Variants in SETD9 observed in about 807,000 individuals in gnomAD.
SETD9 encodes the protein SET domain containing 9.
Under a neutral mutation model 36.4 loss-of-function variants are expected in SETD9, and 37 were observed. That is an observed-to-expected ratio of 1.02 (90% CI 0.78 to 1.34). SETD9 has a LOEUF of 1.34. Ranked by LOEUF, SETD9 falls within the 40% of genes most tolerant of loss-of-function variation. SETD9 has a pLI of 0.00. For synonymous variants in SETD9, 128 were observed against 132.9 expected (o/e 0.96, Z 0.26); for missense variants, 323 against 353.2 (o/e 0.91, Z 0.69).
downstream of SETD9, chr5:56,920,599 C>A (rs560063777): frequency 9.2e-5 from 14 of 152,258 alleles, no homozygotes; most frequent in Admixed American, 2.6e-4. Flanking sequence ...GTAACAAATT[C>A]TCTGTTAAGA....
Position 56,911,344 on chromosome 5 carries a change from G to A in SETD9, c.274G>A (p.Val92Ile), listed in dbSNP as rs1749110865. The change falls in exon 2 of 6, where the codon GTT becomes ATT. Residue 92 changes from valine to isoleucine, a missense_variant. Physicochemically the swap from Val to Ile is conservative, Grantham distance 29. Coordinates refer to ENST00000285947, the MANE Select transcript of SETD9 (RefSeq NM_153706.4). ...ATCAAAATATCAAGACCTACTGGCA[G>A]TTGAACATCAAGGGGTGAAACTGCT... ...VKSKYQDLLA[V>I]EHQGVKLLEN... 4 of 1,611,528 alleles carry A rather than the reference G, an allele frequency of 2.5e-6. No individual in the cohort carries two copies. The highest frequency in any genetic ancestry group is 1.6e-4 in the Middle Eastern group (1 of 6,066).
rs1749134863 is a variant in SETD9, at chr5:56,911,615, T to C, written c.466+79T>C. 3 of 1,407,166 alleles carry C rather than the reference T, an allele frequency of 2.1e-6. No individual in the cohort carries two copies. The East Asian group carries it at 7.3e-5, about 34-fold the overall frequency. 87.2% of individuals were successfully genotyped at this position (1,407,166 alleles called of 1,614,324 possible). On this transcript the variant is annotated intron_variant, in intron 2 of 5. Transcript: ENST00000285947. ...ATAAGTTCAGTAACATACCCAGCCTTGCAATCCTTAGAGTAAGGGATTAAA... is the reference window on the plus strand; with the variant it reads ...ATAAGTTCAGTAACATACCCAGCCTCGCAATCCTTAGAGTAAGGGATTAAA...
At chr5:56,923,120 C>T in intron 5 of SETD9, 1 of 1,610,152 alleles carries the variant, frequency 6.2e-7, no homozygotes, top group Non-Finnish European at 8.5e-7. Context: ...CCGGGATCCT[C>T]ACTCAGGTCA....
chr5:56,921,252 T>A (rs910438457), downstream of SETD9: 11 of 152,654 alleles, frequency 7.2e-5, no homozygotes, highest in Admixed American at 7.2e-4. Flanking sequence ...ATGGCCAGTA[T>A]CTTACTAAAT....
downstream of SETD9, among the ~76,000 whole-genome samples, chr5:56,919,379 C>T (rs1301105912): frequency 6.6e-6 from 1 of 152,080 alleles, no homozygotes; most frequent in African/African-American, 2.4e-5. Context: ...CCGCCTCGGC[C>T]TCTCAAAGTG....
chr5:56,914,753 C>A, intron 4 of SETD9, 108 bp from the exon 5 acceptor site: 1 of 595,470 alleles, frequency 1.7e-6, no homozygotes, highest in Non-Finnish European at 2.6e-6. Flanking sequence ...TTATTTTGAT[C>A]ATGTTTTGAT....
At chr5:56,912,471 A>G (rs909533215) in intron 2 of SETD9, among the ~76,000 whole-genome samples, 4 of 152,190 alleles carry the variant, frequency 2.6e-5, no homozygotes, top group African/African-American at 9.6e-5. Flanking sequence ...CGAGTAATCT[A>G]ATTTTGTAAA....
intron 2 of SETD9, chr5:56,912,133 T>G: frequency 1.0e-6 from 1 of 961,516 alleles, no homozygotes; most frequent in Middle Eastern, 5.3e-4. Context: ...CCAGCCTGGG[T>G]GACAGTGCTA....
At chr5:56,925,590 G>A, downstream of SETD9, 1 of 196,154 alleles carries the variant, frequency 5.1e-6, no homozygotes, top group Non-Finnish European at 1.1e-5. Context: ...ACCAAACTCT[G>A]ATTAAAGAAA....
At position 56,914,875 on chromosome 5, in the gene SETD9, GTC is replaced by G. The variant is rs768128814; in HGVS notation, c.723_724del (p.Cys242LeufsTer5). On this transcript the variant is annotated frameshift_variant, in exon 5 of 6. Transcript: ENST00000285947. LOFTEE classifies it high-confidence loss of function. ...CTTGTTCCTAGACAGAGCAGCTAAT[GTC>G]TGTTATCAGGAATTTGATGTGCCTG... ...NNCSNDRAAN[V>X]CYQEFDVPAV... 1 of 1,598,926 alleles carries G rather than the reference GTC, an allele frequency of 6.3e-7. No individual in the cohort carries two copies. The highest frequency in any genetic ancestry group is 8.5e-7 in the Non-Finnish European group (1 of 1,169,826).
Position 56,923,840 on chromosome 5 carries a change from AAC to A in SETD9, c.813-1488_813-1487del, listed in dbSNP as rs1749813466. On this transcript the variant is annotated intron_variant, in intron 5 of 5. Transcript: ENST00000628593. ...TAAACGATCCATATAGTCCCTGAAA[AAC>A]ACACCCCAGTAATTTTATGACTATA... 3 of 1,614,114 alleles carry A rather than the reference AAC, an allele frequency of 1.9e-6. No homozygotes were observed. In the East Asian group the frequency reaches 6.7e-5, roughly 36 times the overall value.
chr5:56,926,285 C>G (rs926228494), downstream of SETD9, among the ~76,000 whole-genome samples: 1 of 151,894 alleles, frequency 6.6e-6, no homozygotes, highest in Non-Finnish European at 1.5e-5. Context: ...TGCAAACACA[C>G]TGGCAAGGGA....
intron 3 of SETD9, 151 bp downstream of exon 3, chr5:56,913,285 C>G: frequency 1.2e-6 from 1 of 844,952 alleles, no homozygotes; most frequent in Non-Finnish European, 1.7e-6. Context: ...AACTCCTGGC[C>G]TCAAGCGACC....
At chr5:56,917,685 C>A (rs1048287590), downstream of SETD9, among the ~76,000 whole-genome samples, 2 of 152,220 alleles carry the variant, frequency 1.3e-5, no homozygotes, top group African/African-American at 2.4e-5. Flanking sequence ...AAGAATGTGT[C>A]CTGGCAGTTC....
At chr5:56,909,373 G>A (rs576266672), upstream of SETD9, 4 of 356,584 alleles carry the variant, frequency 1.1e-5, no homozygotes, top group South Asian at 2.3e-4. Context: ...GCGCTTGTGT[G>A]CGCCCACGGA....
intron 4 of SETD9, 82 bp downstream of exon 4, chr5:56,914,071 G>T: frequency 1.0e-6 from 1 of 984,600 alleles, no homozygotes; most frequent in South Asian, 1.4e-5. Context: ...AGTGCCAAGG[G>T]CAGTTGAGTA....
rs545206581 is a variant in SETD9, at chr5:56,917,052, T to G, written c.*150T>G. ...CTTATGTTTTTGTTGATATTATATT[T>G]ATGTTCCAATTTCATGATAAAAGCT... On this transcript the variant is annotated 3_prime_UTR_variant, in exon 6 of 6. Coordinates refer to ENST00000285947, the MANE Select transcript of SETD9 (RefSeq NM_153706.4). The G allele has an allele frequency of 3.0e-6, 4 of 1,318,774 alleles. No individual in the cohort carries two copies. In the African/African-American group the frequency reaches 6.2e-5, roughly 20 times the overall value. The allele number at this position is 1,318,774 out of a possible 1,614,324, so 81.7% of individuals were successfully genotyped here. A position where few individuals can be genotyped will look rare whatever the true frequency, so the allele number is the denominator to read the frequency against.
chr5:56,922,379 C>T (rs1284544907), intron 5 of SETD9: 1 of 152,542 alleles, frequency 6.6e-6, no homozygotes, highest in Non-Finnish European at 1.5e-5. Flanking sequence ...ACACAGAAAT[C>T]TCCTGGCAGT....
chr5:56,909,842 C>T (rs946254581), intron 1 of SETD9, 99 bp downstream of exon 1: 5 of 795,844 alleles, frequency 6.3e-6, no homozygotes, highest in African/African-American at 2.1e-5. Flanking sequence ...GGCTGACTGC[C>T]GGCCTGAGAT....
Sources: allele counts gnomAD v4.1 joint callset (sites outside exome capture counted in the v4.1 genomes callset), GRCh38; gene constraint gnomAD v4.1.1; transcripts MANE v1.5; gene names NCBI Gene and HGNC (gene_info 2026-07-23, HGNC 2026-07-21).